The following DEPDC5 variants were observed in gnomAD, a reference collection of about 807,000 sequenced individuals.
The protein encoded by DEPDC5 is GATOR1 complex protein DEPDC5.
A neutral mutation model predicts 217.3 loss-of-function variants in DEPDC5; 73 were observed. The ratio of observed to expected loss-of-function variants is 0.34; its 90% CI spans 0.28 to 0.41. The LOEUF (loss-of-function observed/expected upper bound fraction) is 0.41. DEPDC5 is among the 10% of genes least tolerant of loss of function. The pLI, the probability that DEPDC5 is intolerant of heterozygous loss-of-function variation, is 1.00. For missense variants in DEPDC5, 1,675 were observed against 2,070.1 expected (o/e 0.81, Z 3.70); for synonymous variants, 733 against 756.7 (o/e 0.97, Z 0.51).
intron 40 of DEPDC5, among the ~76,000 whole-genome samples, 194 bp downstream of exon 40, chr22:31,897,847 A>G (rs1430242759): frequency 6.6e-6 from 1 of 152,156 alleles, no homozygotes; most frequent in Non-Finnish European, 1.5e-5. Context: ...AAATCATTTC[A>G]TGTCTCTGAG....
At chr22:31,803,959 G>A (rs914115709) in intron 15 of DEPDC5, among the ~76,000 whole-genome samples, 5 of 152,240 alleles carry the variant, frequency 3.3e-5, no homozygotes, top group South Asian at 2.1e-4. Flanking sequence ...ATAATGATAC[G>A]TTAGTAGGGC....
Position 31,844,938 on chromosome 22 carries a change from A to G in DEPDC5, c.2802-80A>G, listed in dbSNP as rs45499498. The G allele has an allele frequency of 8.2e-3, 11,883 of 1,450,854 alleles. 78 individuals carry two copies. The highest frequency in any genetic ancestry group is 9.5e-3 in the Non-Finnish European group (9,832 of 1,037,600). The allele number at this position is 1,450,854 out of a possible 1,614,324, so 89.9% of individuals were successfully genotyped here. The stretch of plus-strand genomic sequence containing the variant: ...TGGGGAGATGGACCTTCACACACCA[A>G]CTCCACAGAGAGTTTACTGAGAGTG... On this transcript the variant is annotated intron_variant, in intron 29 of 42. Transcript: ENST00000651528.
intron 20 of DEPDC5, among the ~76,000 whole-genome samples, chr22:31,812,139 C>T (rs931418185): frequency 6.6e-6 from 1 of 151,722 alleles, no homozygotes; most frequent in Non-Finnish European, 1.5e-5. Flanking sequence ...CAGGCATGCA[C>T]CACCACACTC....
In DEPDC5 at chr22:31,870,762, C is replaced by A; in HGVS notation, c.3485+18C>A. 6.5e-7 allele frequency: 1 copy of A among 1,530,826 alleles called. No individual in the cohort carries two copies. The highest frequency in any genetic ancestry group is 1.3e-5 in the South Asian group (1 of 77,386). 94.8% of individuals were successfully genotyped at this position (1,530,826 alleles called of 1,614,324 possible). A position where few individuals can be genotyped will look rare whatever the true frequency, so the allele number is the denominator to read the frequency against. ...GACAGCAGGTGAGATTCAGAGTGGCCAAACTCATGTTCCTGGGGAGTGGGG... is the reference window on the plus strand; with the variant it reads ...GACAGCAGGTGAGATTCAGAGTGGCAAAACTCATGTTCCTGGGGAGTGGGG... On this transcript the variant is annotated intron_variant, in intron 34 of 42. Transcript: ENST00000651528.
intron 37 of DEPDC5, among the ~76,000 whole-genome samples, chr22:31,878,189 A>C (rs1192984108): frequency 6.6e-6 from 1 of 152,012 alleles, no homozygotes; most frequent in Admixed American, 6.6e-5. Context: ...CCATCTCAAA[A>C]AAAAAAAAAA....
chr22:31,896,819 T>G (rs974370616), intron 39 of DEPDC5, among the ~76,000 whole-genome samples: 1 of 152,178 alleles, frequency 6.6e-6, no homozygotes, highest in Non-Finnish European at 1.5e-5. Flanking sequence ...TTTGAACTTA[T>G]TAAATTCCTG....
At chr22:31,883,383 G>T (rs1310964601) in intron 38 of DEPDC5, among the ~76,000 whole-genome samples, 1 of 152,164 alleles carries the variant, frequency 6.6e-6, no homozygotes, top group Non-Finnish European at 1.5e-5. Context: ...GAGCTGAGAT[G>T]TTAGAGGGAA....
intron 2 of DEPDC5, chr22:31,755,269 C>T (rs917012661): frequency 2.3e-6 from 1 of 431,898 alleles, no homozygotes; most frequent in Non-Finnish European, 4.2e-6. Flanking sequence ...AAAATTCCAG[C>T]CTGCACTGGT....
intron 7 of DEPDC5, among the ~76,000 whole-genome samples, chr22:31,777,412 C>T (rs1359507044): frequency 6.6e-6 from 1 of 150,774 alleles, no homozygotes; most frequent in Admixed American, 6.6e-5. Flanking sequence ...AGGCGCATGC[C>T]ACCACGCCCA....
intron 15 of DEPDC5, 137 bp from the exon 16 acceptor site, chr22:31,804,025 C>T: frequency 1.4e-6 from 1 of 729,330 alleles, no homozygotes; most frequent in South Asian, 1.8e-5. Flanking sequence ...GTTGGATAGG[C>T]AGCACTATGA....
chr22:31,864,440 G>A (rs998106143), intron 33 of DEPDC5, among the ~76,000 whole-genome samples: 31 of 147,402 alleles, frequency 2.1e-4, no homozygotes, highest in African/African-American at 7.7e-4. Context: ...TGACCTCTGT[G>A]CAATGTTAGG....
intron 31 of DEPDC5, among the ~76,000 whole-genome samples, chr22:31,856,994 C>T (rs2092329253): frequency 6.6e-6 from 1 of 152,140 alleles, no homozygotes; most frequent in Non-Finnish European, 1.5e-5. Flanking sequence ...TGGTCTCAAA[C>T]CCCTGACCTC....
intron 38 of DEPDC5, among the ~76,000 whole-genome samples, chr22:31,889,178 G>A (rs1224821083): frequency 6.6e-6 from 1 of 152,216 alleles, no homozygotes; most frequent in Non-Finnish European, 1.5e-5. Context: ...GGGCTTGCAT[G>A]TATTTATTGG....
At position 31,907,581 on chromosome 22, in the gene DEPDC5, G is replaced by A. The variant is rs1361880917; in HGVS notation, c.*1084G>A. 6.6e-6 allele frequency: 1 copy of A among 152,126 alleles called. No homozygotes were observed. Among genetic ancestry groups the A allele is most frequent in the Non-Finnish European group, 1.5e-5 (1 of 68,070 alleles). 9.4% of individuals were successfully genotyped at this position (152,126 alleles called of 1,614,324 possible). The stretch of plus-strand genomic sequence containing the variant: ...TTTTTGTATTTTAAGTAGAGATGGG[G>A]TTTCACCATGTTGGCCAGGCTGGTC... On this transcript the variant is annotated 3_prime_UTR_variant, in exon 43 of 43. Transcript: ENST00000651528.
At chr22:31,774,693 A>G (rs1257657021) in intron 7 of DEPDC5, among the ~76,000 whole-genome samples, 1 of 152,018 alleles carries the variant, frequency 6.6e-6, no homozygotes, top group Non-Finnish European at 1.5e-5. Flanking sequence ...ATACAAAAAA[A>G]TTAGCTGGGT....
intron 38 of DEPDC5, among the ~76,000 whole-genome samples, chr22:31,881,890 G>A (rs2093185467): frequency 6.6e-6 from 1 of 151,316 alleles, no homozygotes; most frequent in African/African-American, 2.4e-5. Flanking sequence ...AGGTTGCGGT[G>A]AGCCTAGATG....
At chr22:31,814,844 C>T (rs2148756628) in intron 20 of DEPDC5, 148 bp from the exon 21 acceptor site, 1 of 718,126 alleles carries the variant, frequency 1.4e-6, no homozygotes, top group Non-Finnish European at 2.4e-6. Context: ...GGGTGAAGTA[C>T]CGCATACAGG....
intron 14 of DEPDC5, among the ~76,000 whole-genome samples, chr22:31,802,373 G>A (rs1047987589): frequency 6.6e-6 from 1 of 151,912 alleles, no homozygotes; most frequent in Non-Finnish European, 1.5e-5. Flanking sequence ...CAAGTGATCC[G>A]CCTGCTTTGG....
chr22:31,879,824 G>A (rs1602680520), intron 38 of DEPDC5, 72 bp downstream of exon 38: 1 of 1,396,788 alleles, frequency 7.2e-7, no homozygotes. Context: ...GGCCAGCCAA[G>A]GGAACGATGC....
Sources: allele counts gnomAD v4.1 joint callset (sites outside exome capture counted in the v4.1 genomes callset), GRCh38; gene constraint gnomAD v4.1.1; transcripts MANE v1.5; gene names NCBI Gene and HGNC (gene_info 2026-07-23, HGNC 2026-07-21).